Variants in SP110 observed in about 807,000 individuals in gnomAD.
SP110 encodes the protein interferon-induced protein 41, 30kD.
SP110 carries 62 observed loss-of-function variants against 92.7 expected under a neutral mutation model. That is an observed-to-expected ratio of 0.67 (90% confidence interval 0.55 to 0.83). The LOEUF is 0.83. Among genes scored for constraint, SP110 ranks in the 40% least tolerant of loss-of-function variants. SP110 has a pLI of 0.00. For synonymous variants in SP110, 273 were observed against 305.3 expected (o/e 0.89, Z 1.10); for missense variants, 793 against 863.9 (o/e 0.92, Z 1.03).
At chr2:230,192,411 C>T (rs940892966) in intron 10 of SP110, among the ~76,000 whole-genome samples, 4 of 151,006 alleles carry the variant, frequency 2.6e-5, no homozygotes, top group East Asian at 2.0e-4. Flanking sequence ...AAAAACTTCT[C>T]GAACTGATAA....
chr2:230,187,856 T>C (rs1287772297), intron 10 of SP110, among the ~76,000 whole-genome samples: 2 of 152,216 alleles, frequency 1.3e-5, no homozygotes, highest in Admixed American at 1.3e-4. Context: ...TCGATGTATC[T>C]ACTTTTATAA....
chr2:230,171,480 C>T lies in SP110; in HGVS notation c.1887+216G>A, dbSNP rs899382365. 4.9e-5 allele frequency: 29 copies of T among 589,200 alleles called. 2 individuals carry two copies. Among genetic ancestry groups the T allele is most frequent in the Admixed American group, 8.8e-5 (3 of 34,048 alleles). The allele number at this position is 589,200 out of a possible 1,614,324, so 36.5% of individuals were successfully genotyped here. ...TACACAGGAGGAGAAGCAACTTGCCCGGTATCCCAGAGCCCGTGAGCAGTG... is the reference window on the plus strand; with the variant it reads ...TACACAGGAGGAGAAGCAACTTGCCTGGTATCCCAGAGCCCGTGAGCAGTG... On this transcript the variant is annotated intron_variant, in intron 17 of 18. Coordinates refer to ENST00000258381, the MANE Select transcript of SP110 (RefSeq NM_080424.4).
intron 7 of SP110, among the ~76,000 whole-genome samples, chr2:230,208,614 A>C (rs1226602214): frequency 3.3e-5 from 5 of 152,206 alleles, no homozygotes; most frequent in Non-Finnish European, 7.4e-5. Flanking sequence ...AGCAAAAAGC[A>C]GGAGGTGAGG....
intron 14 of SP110, among the ~76,000 whole-genome samples, chr2:230,175,405 A>G (rs915137471): frequency 6.6e-6 from 1 of 152,208 alleles, no homozygotes; most frequent in Non-Finnish European, 1.5e-5. Flanking sequence ...ACCATTCTGT[A>G]GCTGTATCAG....
chr2:230,212,715 C>A (rs759640629), intron 4 of SP110, 46 bp downstream of exon 4: 2 of 1,611,976 alleles, frequency 1.2e-6, no homozygotes, highest in South Asian at 1.1e-5. Context: ...GGCACAGGCA[C>A]CTTAGGCTGA....
intron 14 of SP110, chr2:230,176,725 C>A: frequency 6.2e-7 from 1 of 1,614,122 alleles, no homozygotes; most frequent in Non-Finnish European, 8.5e-7. Flanking sequence ...AAAGTCCACT[C>A]TGAAAGACAG....
chr2:230,207,913 C>A (rs1574719778), intron 8 of SP110, 78 bp downstream of exon 8: 2 of 737,056 alleles, frequency 2.7e-6, no homozygotes, highest in African/African-American at 1.8e-5. Context: ...GAATAAAATT[C>A]AACCCTCCAC....
rs750415144 is a variant in SP110 at position 230,169,169 on chromosome 2, G to A, written c.2097C>T (p.Leu699=). Residue 699 remains leucine (L), a synonymous_variant, in exon 19 of 19, where the codon CTC becomes CTT. Transcript: ENST00000258381. ...AEFEKDLKDV[L]GFHEANDGGF... is the part of the protein sequence containing the mutation. ...CGCCGTCATTGGCTTCATGAAAACC[G>A]AGCACGTCTTTGAGATCTTTTTCAA... 8.7e-6 allele frequency: 14 copies of A among 1,613,936 alleles called. No homozygotes were observed. The East Asian group carries it at 8.9e-5, about 10-fold the overall frequency.
Position 230,211,084 on chromosome 2 carries a change from C to T in SP110, c.751+386G>A, listed in dbSNP as rs923963679. On this transcript the variant is annotated intron_variant, in intron 6 of 18. Coordinates refer to ENST00000258381, the MANE Select transcript of SP110 (RefSeq NM_080424.4). The surrounding 1 kb of genome is among the most constrained non-coding windows in gnomAD (Gnocchi z 4.2). ...CAGAAGAGTGGCTCTGTCAAACAGT[C>T]CAGCCTGACTCAGTTCCCTTGCTTT... 3.3e-5 allele frequency among the ~76,000 whole-genome samples: 5 copies of T among 152,172 alleles called. No individual in the cohort carries two copies. Among genetic ancestry groups the T allele is most frequent in the African/African-American group, 1.2e-4 (5 of 41,440 alleles).
At chr2:230,195,997 C>G (rs956482703) in intron 10 of SP110, among the ~76,000 whole-genome samples, 1 of 152,026 alleles carries the variant, frequency 6.6e-6, no homozygotes, top group Non-Finnish European at 1.5e-5. Flanking sequence ...GAAATCATCT[C>G]TATATTACTA....
intron 12 of SP110, among the ~76,000 whole-genome samples, chr2:230,182,295 T>C (rs12616762): frequency 0.77 from 116,272 of 151,934 alleles, 44,602 homozygotes; most frequent in Admixed American, 0.83. Context: ...ACAGCACACA[T>C]TGGGGCCTAT....
intron 10 of SP110, among the ~76,000 whole-genome samples, chr2:230,199,422 T>C (rs532751865): frequency 6.6e-6 from 1 of 151,868 alleles, no homozygotes; most frequent in Non-Finnish European, 1.5e-5. Flanking sequence ...CTGGCCAGGC[T>C]GGTCTCGAAC....
At chr2:230,179,260 C>A (rs113095418) in intron 12 of SP110, among the ~76,000 whole-genome samples, 1 of 152,104 alleles carries the variant, frequency 6.6e-6, no homozygotes, top group East Asian at 1.9e-4. Flanking sequence ...GTGATCCCCC[C>A]GACAGAACCC....
rs141625001 is a variant in SP110 at position 230,181,679 on chromosome 2, C to T, written c.1348+1893G>A. ...CACTTCTCAAAAGAAGACATTTATGCGGCCAATAAAGATATGAAAAAAAGC... is the reference window on the plus strand; with the variant it reads ...CACTTCTCAAAAGAAGACATTTATGTGGCCAATAAAGATATGAAAAAAAGC... On this transcript the variant is annotated intron_variant, in intron 12 of 18. Transcript: ENST00000258381. Among the ~76,000 whole-genome samples, 450 of 152,150 alleles carry T rather than the reference C, an allele frequency of 3.0e-3. 1 individual carries two copies. Among genetic ancestry groups the T allele is most frequent in the Middle Eastern group, 6.8e-3 (2 of 294 alleles).
In SP110 at chr2:230,213,102, A is replaced by C. The variant is rs1000713248; in HGVS notation, c.317-75T>G. ...CTTGGGGAAGGGGATTTCTTAATAC[A>C]TGCCTTCCAATAGGATGGGGGCATG... On this transcript the variant is annotated intron_variant, in intron 3 of 18. Coordinates refer to ENST00000258381, the MANE Select transcript of SP110 (RefSeq NM_080424.4). 13 of 1,414,872 alleles carry C rather than the reference A, an allele frequency of 9.2e-6. No individual in the cohort carries two copies. The African/African-American group carries it at 1.8e-4, about 20-fold the overall frequency. The allele number at this position is 1,414,872 out of a possible 1,614,324, so 87.6% of individuals were successfully genotyped here.
intron 4 of SP110, 119 bp from the exon 5 acceptor site, chr2:230,212,549 G>A: frequency 9.5e-7 from 1 of 1,051,844 alleles, no homozygotes; most frequent in Non-Finnish European, 1.5e-6. Flanking sequence ...GGGTTGGAAT[G>A]TCCCGGGAGT....
chr2:230,176,368 A>T, intron 14 of SP110: 1 of 961,268 alleles, frequency 1.0e-6, no homozygotes. Flanking sequence ...TTTGTTAGAG[A>T]TGGGGTCTTG....
chr2:230,217,029 T>A (rs1333309949), intron 1 of SP110, 101 bp from the exon 2 acceptor site: 1 of 897,210 alleles, frequency 1.1e-6, no homozygotes, highest in Non-Finnish European at 1.8e-6. Context: ...GTGGATCACC[T>A]GAGGTCAAGA....
upstream of SP110, among the ~76,000 whole-genome samples, chr2:230,223,015 G>A (rs1403402586): frequency 6.6e-6 from 1 of 150,700 alleles, no homozygotes; most frequent in East Asian, 1.9e-4. Flanking sequence ...TGTCTGATCA[G>A]CATGATGTCA....
Sources: allele counts gnomAD v4.1 joint callset (sites outside exome capture counted in the v4.1 genomes callset), GRCh38; gene constraint gnomAD v4.1.1; non-coding constraint Gnocchi (gnomAD v3.1); transcripts MANE v1.5; gene names NCBI Gene and HGNC (gene_info 2026-07-23, HGNC 2026-07-21).